The following KCNIP1 variants were observed in gnomAD, a reference collection of about 807,000 sequenced individuals.
KCNIP1 encodes the protein A-type potassium channel modulatory protein KCNIP1.
A neutral mutation model predicts 33.0 loss-of-function variants in KCNIP1; 18 were observed. The ratio of observed to expected loss-of-function variants is 0.55; its 90% CI spans 0.38 to 0.81. The LOEUF (loss-of-function observed/expected upper bound fraction) is 0.81, where lower values mean the gene tolerates loss of function less well. Ranked by LOEUF, KCNIP1 falls within the 30% of genes least tolerant of loss-of-function variation. The probability of loss-of-function intolerance (pLI) is 0.00; values close to 1 mark genes in which losing one functional copy is unlikely to be tolerated. For synonymous variants in KCNIP1, 93 were observed against 98.3 expected, an observed-to-expected ratio of 0.95 and a Z score of 0.32; for missense variants, 238 against 271.6, an observed-to-expected ratio of 0.88 and a Z score of 0.87.
chr5:170,376,886 A>AC (rs1424809040), intron 1 of KCNIP1: 1 of 152,252 alleles, frequency 6.6e-6, no homozygotes, highest in Non-Finnish European at 1.5e-5. Flanking sequence ...TTAAGAAAAA[A>AC]ACACACACAC....
intron 1 of KCNIP1, among the ~76,000 whole-genome samples, chr5:170,706,937 A>T (rs1377316894): frequency 6.6e-6 from 1 of 152,140 alleles, no homozygotes; most frequent in Non-Finnish European, 1.5e-5. Flanking sequence ...AACACAGGTC[A>T]TCAATTGTTC....
intron 1 of KCNIP1, among the ~76,000 whole-genome samples, chr5:170,493,798 TC>T (rs1175671907): frequency 6.6e-6 from 1 of 152,200 alleles, no homozygotes; most frequent in Admixed American, 6.5e-5. Context: ...CACTCTTCCT[TC>T]CCCAGGTTTA....
At chr5:170,447,994 C>G (rs1326580289) in intron 1 of KCNIP1, among the ~76,000 whole-genome samples, 1 of 151,940 alleles carries the variant, frequency 6.6e-6, no homozygotes, top group African/African-American at 2.4e-5. Context: ...CCTGAGAAGC[C>G]CTCCCAGATC....
chr5:170,653,765 C>T (rs1426045181), intron 1 of KCNIP1, among the ~76,000 whole-genome samples: 2 of 151,754 alleles, frequency 1.3e-5, no homozygotes, highest in East Asian at 3.9e-4. Context: ...CAGAATGTGG[C>T]CACCAGTAAC....
chr5:170,629,446 G>A (rs944178024), intron 1 of KCNIP1, among the ~76,000 whole-genome samples: 1 of 152,236 alleles, frequency 6.6e-6, no homozygotes, highest in East Asian at 1.9e-4. Flanking sequence ...TGATGGAGTT[G>A]GTCAGCAACC....
chr5:170,421,223 G>A (rs1385278170), intron 1 of KCNIP1, among the ~76,000 whole-genome samples: 1 of 152,064 alleles, frequency 6.6e-6, no homozygotes, highest in Non-Finnish European at 1.5e-5. Flanking sequence ...GTGCACTCTT[G>A]TTTCCTGGTT....
At chr5:170,707,514 T>A (rs1232471191) in intron 1 of KCNIP1, among the ~76,000 whole-genome samples, 1 of 152,242 alleles carries the variant, frequency 6.6e-6, no homozygotes, top group East Asian at 1.9e-4. Flanking sequence ...ATGACTTACG[T>A]CACATTCTAT....
At chr5:170,725,095 T>C (rs1371396301) in intron 5 of KCNIP1, among the ~76,000 whole-genome samples, 1 of 152,170 alleles carries the variant, frequency 6.6e-6, no homozygotes, top group African/African-American at 2.4e-5. Flanking sequence ...AGGATAGACA[T>C]ATAGATCAAT....
At chr5:170,645,634 T>A (rs1477628759) in intron 1 of KCNIP1, among the ~76,000 whole-genome samples, 1 of 152,184 alleles carries the variant, frequency 6.6e-6, no homozygotes, top group Non-Finnish European at 1.5e-5. Flanking sequence ...GTAATTGACA[T>A]CTGTAGGCTA....
At chr5:170,383,332 C>T (rs1764327268) in intron 1 of KCNIP1, 1 of 560,946 alleles carries the variant, frequency 1.8e-6, no homozygotes, top group Non-Finnish European at 3.2e-6. Flanking sequence ...TGTTTGAGTG[C>T]CCACTATCCA....
chr5:170,554,684 G>C (rs551714124), intron 1 of KCNIP1, among the ~76,000 whole-genome samples: 1 of 152,192 alleles, frequency 6.6e-6, no homozygotes, highest in African/African-American at 2.4e-5. Flanking sequence ...GTCTTTGCAG[G>C]CATGCTTCCC....
At chr5:170,431,919 T>G (rs1755750897) in intron 1 of KCNIP1, among the ~76,000 whole-genome samples, 1 of 152,132 alleles carries the variant, frequency 6.6e-6, no homozygotes, top group Non-Finnish European at 1.5e-5. Context: ...GACATTCCAC[T>G]CTCTTCTCTA....
At chr5:170,517,671 GTGA>G (rs1182426626) in intron 1 of KCNIP1, among the ~76,000 whole-genome samples, 4 of 151,948 alleles carry the variant, frequency 2.6e-5, no homozygotes, top group African/African-American at 7.3e-5. Context: ...GGTGGTGGTG[GTGA>G]TGATAGTGAC....
intron 4 of KCNIP1, 24 bp from the exon 5 acceptor site, chr5:170,722,689 C>T (rs755096020): frequency 6.7e-7 from 1 of 1,498,610 alleles, no homozygotes; most frequent in South Asian, 1.1e-5. Context: ...TGGTTAATGT[C>T]ACTCTGCCTT....
intron 1 of KCNIP1, among the ~76,000 whole-genome samples, chr5:170,384,782 T>C (rs1261077268): frequency 6.6e-6 from 1 of 152,222 alleles, no homozygotes; most frequent in Non-Finnish European, 1.5e-5. Context: ...TGGACCATTC[T>C]CTGAGATTCC....
chr5:170,554,492 C>T (rs965417823), intron 1 of KCNIP1, among the ~76,000 whole-genome samples: 1 of 152,058 alleles, frequency 6.6e-6, no homozygotes, highest in Non-Finnish European at 1.5e-5. Context: ...GGATGGCAAG[C>T]GAGGGAGCAG....
chr5:170,437,393 C>T (rs780691589), intron 1 of KCNIP1, among the ~76,000 whole-genome samples: 1 of 152,236 alleles, frequency 6.6e-6, no homozygotes, highest in African/African-American at 2.4e-5. Flanking sequence ...TCCCTCACAA[C>T]CATGGCTGTC....
At chr5:170,582,194 G>A (rs899051881) in intron 1 of KCNIP1, among the ~76,000 whole-genome samples, 1 of 152,198 alleles carries the variant, frequency 6.6e-6, no homozygotes. Flanking sequence ...TGCAAAAGAT[G>A]TGCAGTGACC....
At chr5:170,606,281 C>T (rs1758915757) in intron 1 of KCNIP1, among the ~76,000 whole-genome samples, 1 of 152,138 alleles carries the variant, frequency 6.6e-6, no homozygotes, top group African/African-American at 2.4e-5. Context: ...ATCGTTGGCT[C>T]ATATGGTAAC....
Sources: gnomAD v4.1 joint callset for allele counts (sites outside exome capture counted in the v4.1 genomes callset) on GRCh38, gnomAD v4.1.1 for gene constraint, MANE v1.5 for transcripts, NCBI Gene and HGNC (gene_info 2026-07-23, HGNC 2026-07-21) for gene names.